The following SKIC8 variants were observed in gnomAD, a reference collection of about 807,000 sequenced individuals.
The protein encoded by SKIC8 is superkiller complex protein 8.
At chr15:78,289,823 G>A in the SKIC8 span, 1 of 1,519,838 alleles carries the variant, frequency 6.6e-7, no homozygotes, top group Non-Finnish European at 9.0e-7. Context: ...CTGGCTACTT[G>A]GCAAACCACA....
At chr15:78,291,124 T>C in the SKIC8 span, 1 of 152,140 alleles carries the variant, frequency 6.6e-6, no homozygotes, top group African/African-American at 2.4e-5. Flanking sequence ...CTTTAAAACT[T>C]TGCCACACTT....
the SKIC8 span, chr15:78,293,335 C>G: frequency 7.0e-7 from 1 of 1,422,156 alleles, no homozygotes. Flanking sequence ...AGCCGAGATA[C>G]TGTTCAACAA....
the SKIC8 span, among the ~76,000 whole-genome samples, chr15:78,298,366 C>G: frequency 6.6e-6 from 1 of 152,272 alleles, no homozygotes; most frequent in Admixed American, 6.5e-5. Context: ...AAGTAATACA[C>G]AAAGATTTAG....
the SKIC8 span, chr15:78,283,694 G>A: frequency 2.2e-6 from 1 of 449,932 alleles, no homozygotes; most frequent in Non-Finnish European, 3.9e-6. Flanking sequence ...TTCCATTATT[G>A]CTATTTAATT....
the SKIC8 span, chr15:78,295,535 A>C: frequency 9.5e-7 from 1 of 1,054,610 alleles, no homozygotes. Flanking sequence ...TGTGGTGACT[A>C]GGTACCCAGG....
At chr15:78,290,118 G>C in the SKIC8 span, 1 of 1,600,680 alleles carries the variant, frequency 6.2e-7, no homozygotes, top group South Asian at 1.1e-5. Context: ...AAAAAAGAAG[G>C]ACAAAAATAC....
the SKIC8 span, chr15:78,288,220 G>T: frequency 6.5e-7 from 1 of 1,536,380 alleles, no homozygotes; most frequent in Non-Finnish European, 9.0e-7. Flanking sequence ...TCCTCCCTAG[G>T]GCTCCTTGTA....
the SKIC8 span, among the ~76,000 whole-genome samples, chr15:78,293,698 G>C: frequency 6.6e-6 from 1 of 152,178 alleles, no homozygotes; most frequent in South Asian, 2.1e-4. Context: ...AAACAGTATA[G>C]ATCTAAAAGA....
At chr15:78,289,635 A>T in the SKIC8 span, 8 of 1,613,746 alleles carry the variant, frequency 5.0e-6, no homozygotes, top group Non-Finnish European at 6.8e-6. Flanking sequence ...GGGTATGCAG[A>T]AGTTTTCCAG....
At chr15:78,289,441 AAAAC>A in the SKIC8 span, among the ~76,000 whole-genome samples, 1 of 152,154 alleles carries the variant, frequency 6.6e-6, no homozygotes, top group Non-Finnish European at 1.5e-5. Flanking sequence ...AAAAAACAAA[AAAAC>A]AAAAAAAACT....
At chr15:78,298,581 G>A in the SKIC8 span, among the ~76,000 whole-genome samples, 25 of 152,144 alleles carry the variant, frequency 1.6e-4, no homozygotes, top group African/African-American at 5.8e-4. Flanking sequence ...CTCTTATTGT[G>A]CCTAATTTAC....
chr15:78,290,208 T>C, the SKIC8 span: 55 of 1,161,726 alleles, frequency 4.7e-5, no homozygotes, highest in Admixed American at 1.5e-3. Flanking sequence ...AGTAGCAGTG[T>C]CCTGATTCAG....
the SKIC8 span, chr15:78,294,589 G>T: frequency 1.2e-5 from 3 of 240,330 alleles, no homozygotes; most frequent in Non-Finnish European, 1.6e-5. Context: ...AAAGGCTCAC[G>T]TTCACCTCCC....
the SKIC8 span, among the ~76,000 whole-genome samples, chr15:78,298,788 C>T: frequency 6.6e-6 from 1 of 152,126 alleles, no homozygotes; most frequent in Non-Finnish European, 1.5e-5. Context: ...ACGTACACCC[C>T]GCAGATAAGG....
chr15:78,284,518 A>G, the SKIC8 span: 1 of 152,228 alleles, frequency 6.6e-6, no homozygotes, highest in East Asian at 1.9e-4. Flanking sequence ...CAGTTCCCCA[A>G]GACCTTACAG....
chr15:78,298,676 G>T, the SKIC8 span, among the ~76,000 whole-genome samples: 1 of 152,124 alleles, frequency 6.6e-6, no homozygotes, highest in Non-Finnish European at 1.5e-5. Flanking sequence ...TTACAATGGG[G>T]TTACTTCCCA....
the SKIC8 span, among the ~76,000 whole-genome samples, chr15:78,296,432 A>T: frequency 0.011 from 1,719 of 152,196 alleles, 40 homozygotes; most frequent in African/African-American, 0.039. Flanking sequence ...AAATAAAAAA[A>T]AAAGGATAGA....
chr15:78,289,864 A>C, the SKIC8 span: 2 of 1,569,950 alleles, frequency 1.3e-6, no homozygotes, highest in Non-Finnish European at 1.7e-6. Context: ...TGACCAGACC[A>C]AGACAGAATC....
chr15:78,295,485 C>G, the SKIC8 span: 4 of 711,438 alleles, frequency 5.6e-6, no homozygotes, highest in Non-Finnish European at 1.0e-5. Context: ...TGAACCAATC[C>G]TCCTCTCAGT....
Sources: allele counts gnomAD v4.1 joint callset (sites outside exome capture counted in the v4.1 genomes callset), GRCh38; gene constraint gnomAD v4.1.1; transcripts MANE v1.5; gene names NCBI Gene and HGNC (gene_info 2026-07-23, HGNC 2026-07-21).